Variants in EEA1 observed in about 807,000 individuals in gnomAD.
EEA1 encodes early endosome antigen 1, 162kD.
A neutral mutation model predicts 209.2 loss-of-function variants in EEA1; 111 were observed. The observed-to-expected ratio is 0.53, with a 90% CI of 0.45 to 0.62. EEA1 has a LOEUF of 0.62. Among genes scored for constraint, EEA1 ranks in the 20% least tolerant of loss-of-function variants. EEA1 has a pLI of 0.00. For synonymous variants in EEA1, 536 were observed against 540.6 expected, an observed-to-expected ratio of 0.99 and a Z score of 0.12; for missense variants, 1,343 against 1,530.8, an observed-to-expected ratio of 0.88 and a Z score of 2.05.
intron 21 of EEA1, among the ~76,000 whole-genome samples, chr12:92,790,925 T>G (rs1030272435): frequency 1.3e-5 from 2 of 152,190 alleles, no homozygotes; most frequent in African/African-American, 4.8e-5. Flanking sequence ...AGCAGATCTC[T>G]CGACAGAAAC....
In EEA1 at chr12:92,826,172, T is replaced by G. The variant is rs141238775; in HGVS notation, c.1518A>C (p.Glu506Asp). 2.7e-4 allele frequency: 434 copies of G among 1,613,228 alleles called. No individual in the cohort carries two copies. The highest frequency in any genetic ancestry group is 3.0e-4 in the Non-Finnish European group (350 of 1,179,480). ...TAACGCAACTAATGTTTACCTGAGC[T>G]TCTCGAAGTTTTGCCGTGGTGCTTT... ...LQQSTTAKLR[E>D]AQNDLEQVLR... Residue 506 changes from glutamate to aspartate, a missense_variant, in exon 13 of 29, where the codon GAA (glutamate) becomes GAC (aspartate). By Grantham distance (45) the Glu-to-Asp change is conservative. This residue lies in a region of EEA1 where 1,307 missense variants were observed against 1,465.5 expected (regional missense o/e 0.89). Coordinates refer to ENST00000322349, the MANE Select transcript of EEA1 (RefSeq NM_003566.4).
At chr12:92,858,529 T>C (rs1291202596) in intron 3 of EEA1, 1 of 796,644 alleles carries the variant, frequency 1.3e-6, no homozygotes, top group Non-Finnish European at 2.3e-6. Flanking sequence ...GAGGAGTGTA[T>C]GTAGGCCTTT....
chr12:92,805,500 C>G (rs1875158499), intron 18 of EEA1, among the ~76,000 whole-genome samples: 1 of 152,126 alleles, frequency 6.6e-6, no homozygotes, highest in Non-Finnish European at 1.5e-5. Flanking sequence ...GCCCTCATCC[C>G]CTTGACACAA....
intron 14 of EEA1, 89 bp from the exon 15 acceptor site, chr12:92,816,489 A>G: frequency 8.0e-7 from 1 of 1,250,094 alleles, no homozygotes; most frequent in Non-Finnish European, 1.1e-6. Flanking sequence ...AGAATATTAA[A>G]GTGCTTTATG....
At chr12:92,865,910 G>A (rs1878366680) in intron 2 of EEA1, among the ~76,000 whole-genome samples, 1 of 151,548 alleles carries the variant, frequency 6.6e-6, no homozygotes, top group African/African-American at 2.4e-5. Context: ...ACCACGCCCA[G>A]CTAATATTTG....
chr12:92,864,602 T>C (rs1448941201), intron 3 of EEA1, among the ~76,000 whole-genome samples: 1 of 152,196 alleles, frequency 6.6e-6, no homozygotes, highest in Non-Finnish European at 1.5e-5. Context: ...TAAATATAAT[T>C]TAATCTTCTT....
chr12:92,884,176 C>A, intron 2 of EEA1: 1 of 1,355,818 alleles, frequency 7.4e-7, no homozygotes, highest in Non-Finnish European at 1.0e-6. Context: ...TGACTCAAAT[C>A]ATGACTCACT....
intron 18 of EEA1, among the ~76,000 whole-genome samples, chr12:92,804,749 G>A (rs1875112092): frequency 6.6e-6 from 1 of 152,066 alleles, no homozygotes; most frequent in Admixed American, 6.5e-5. Flanking sequence ...GAAACATTGG[G>A]TGTATAAATG....
At chr12:92,901,782 T>TGGTC (rs1312015000) in intron 1 of EEA1, among the ~76,000 whole-genome samples, 3 of 152,080 alleles carry the variant, frequency 2.0e-5, no homozygotes, top group Non-Finnish European at 4.4e-5. Flanking sequence ...TTGGTCAATC[T>TGGTC]GGTCACAAAC....
At chr12:92,887,798 A>G (rs7134348) in intron 2 of EEA1, among the ~76,000 whole-genome samples, 140,848 of 152,114 alleles carry the variant, frequency 0.93, 65,299 homozygotes, top group East Asian at 1. Flanking sequence ...CATAAATCGA[A>G]GAGCATCTGT....
At chr12:92,813,774 G>A (rs1457315145) in intron 15 of EEA1, among the ~76,000 whole-genome samples, 2 of 152,110 alleles carry the variant, frequency 1.3e-5, no homozygotes, top group African/African-American at 2.4e-5. Context: ...CAGCACTTTG[G>A]GAGGCCAAGG....
At position 92,775,534 on chromosome 12, in the gene EEA1, C is replaced by T. The variant is rs1234279401; in HGVS notation, c.*477G>A. 1.3e-5 allele frequency: 2 copies of T among 152,178 alleles called. No individual in the cohort carries two copies. Among genetic ancestry groups the T allele is most frequent in the Non-Finnish European group, 3.0e-5 (2 of 67,756 alleles). The allele number at this position is 152,178 out of a possible 1,614,324, so 9.4% of individuals were successfully genotyped here. On this transcript the variant is annotated 3_prime_UTR_variant, in exon 29 of 29. Coordinates refer to ENST00000322349, the MANE Select transcript of EEA1 (RefSeq NM_003566.4). ...GAGAAAAAGGCAGAGGAAAGTGTTACAGTTCTGTGCATAACTTCACAAAGA... is the reference window on the plus strand; with the variant it reads ...GAGAAAAAGGCAGAGGAAAGTGTTATAGTTCTGTGCATAACTTCACAAAGA...
chr12:92,817,325 TTTTTG>T (rs565824624), intron 14 of EEA1, among the ~76,000 whole-genome samples: 70 of 152,286 alleles, frequency 4.6e-4, no homozygotes, highest in East Asian at 5.8e-4. Context: ...TTTCACGTTA[TTTTTG>T]TTTTATCTCT....
intron 3 of EEA1, chr12:92,857,967 G>A (rs1005812081): frequency 6.8e-5 from 18 of 263,922 alleles, no homozygotes; most frequent in Middle Eastern, 2.5e-3. Flanking sequence ...CATTGGTTAC[G>A]CCCTGATACT....
intron 10 of EEA1, among the ~76,000 whole-genome samples, chr12:92,840,861 C>T (rs570159820): frequency 6.6e-6 from 1 of 152,270 alleles, no homozygotes; most frequent in South Asian, 2.1e-4. Flanking sequence ...TACTGAAACT[C>T]TAACCCTCAA....
chr12:92,808,935 G>T, intron 18 of EEA1, 82 bp downstream of exon 18: 1 of 1,283,680 alleles, frequency 7.8e-7, no homozygotes, highest in Non-Finnish European at 1.0e-6. Context: ...CACTACGATA[G>T]CAAAATTTAA....
Position 92,790,739 on chromosome 12 carries a change from C to G in EEA1, c.2968-2690G>C, listed in dbSNP as rs1252398028. On this transcript the variant is annotated intron_variant, in intron 21 of 28. Transcript: ENST00000322349. ...GGAGAACTTCCCGAACCTAGCAAGGCAGGCCAACATTCAAATTCAGGAAAT... is the reference window on the plus strand; with the variant it reads ...GGAGAACTTCCCGAACCTAGCAAGGGAGGCCAACATTCAAATTCAGGAAAT... 3.9e-5 allele frequency among the ~76,000 whole-genome samples: 6 copies of G among 152,164 alleles called. No individual in the cohort carries two copies. In the East Asian group the frequency reaches 7.7e-4, roughly 20 times the overall value.
chr12:92,801,726 A>T, intron 19 of EEA1, 25 bp from the exon 20 acceptor site: 1 of 1,456,864 alleles, frequency 6.9e-7, no homozygotes, highest in Non-Finnish European at 9.2e-7. Context: ...AAACTATATT[A>T]CATAAAAAAT....
Position 92,776,846 on chromosome 12 carries a change from G to A in EEA1, c.4111C>T (p.Arg1371Trp), listed in dbSNP as rs560597630. The change falls in exon 28 of 29, where the codon CGG becomes TGG. Residue 1371 changes from arginine to tryptophan, a missense_variant and splice_region_variant. Transcript: ENST00000322349. ...GTTACATGAACAAAATTATTTACCC[G>A]TCTCACTGTTACTGAAAAGCCTTTC... ...CGKGFSVTVR[R>W]HHCRQCGNIF... The A allele has an allele frequency of 6.2e-6, 10 of 1,610,180 alleles. No homozygotes were observed. Among genetic ancestry groups the A allele is most frequent in the Non-Finnish European group, 8.5e-6 (10 of 1,177,350 alleles).
Sources: allele counts gnomAD v4.1 joint callset (sites outside exome capture counted in the v4.1 genomes callset), GRCh38; gene constraint gnomAD v4.1.1; regional missense constraint gnomAD v4.1.1; transcripts MANE v1.5; gene names NCBI Gene and HGNC (gene_info 2026-07-23, HGNC 2026-07-21).